FYN: variants seen among roughly 807,000 people sequenced by gnomAD.
The protein encoded by FYN is FYN proto-oncogene, Src family tyrosine kinase, also known as tyrosine-protein kinase Fyn.
In FYN, 10 loss-of-function variants were observed where a neutral mutation model predicts 70.2. The observed-to-expected ratio is 0.14, with a 90% CI of 0.09 to 0.24. The LOEUF (loss-of-function observed/expected upper bound fraction) is 0.24. FYN is among the 10% of genes least tolerant of loss of function. FYN has a pLI of 1.00. For synonymous variants in FYN, 236 were observed against 248.6 expected (o/e 0.95, Z 0.48); for missense variants, 319 against 673.1 (o/e 0.47, Z 5.82).
At chr6:111,839,945 C>T (rs961567382) in intron 2 of FYN, among the ~76,000 whole-genome samples, 1 of 152,156 alleles carries the variant, frequency 6.6e-6, no homozygotes, top group Non-Finnish European at 1.5e-5. Flanking sequence ...GGTATGATTT[C>T]CAAGGCCTCT....
At chr6:111,673,660 C>A (rs1798410504) in intron 13 of FYN, among the ~76,000 whole-genome samples, 2 of 108,608 alleles carry the variant, frequency 1.8e-5, no homozygotes, top group South Asian at 3.1e-4. Flanking sequence ...TCCTTTCTTA[C>A]GCAGGGAATG....
chr6:111,853,187 G>A (rs1172250306), intron 1 of FYN, among the ~76,000 whole-genome samples: 1 of 152,168 alleles, frequency 6.6e-6, no homozygotes, highest in Non-Finnish European at 1.5e-5. Flanking sequence ...GGGGCTGGAA[G>A]ACCACGGAAT....
intron 2 of FYN, among the ~76,000 whole-genome samples, chr6:111,839,025 TA>T (rs1318834886): frequency 6.6e-6 from 1 of 152,218 alleles, no homozygotes; most frequent in Non-Finnish European, 1.5e-5. Context: ...GTTGACTCTA[TA>T]ACTCATTCTT....
intron 1 of FYN, among the ~76,000 whole-genome samples, chr6:111,863,024 T>C (rs1246955352): frequency 1.1e-4 from 17 of 152,228 alleles, no homozygotes; most frequent in Admixed American, 1.1e-3. Flanking sequence ...AGAACGTAGA[T>C]ACTACAGAAG....
At chr6:111,742,332 A>C (rs1802010712) in intron 3 of FYN, among the ~76,000 whole-genome samples, 1 of 152,196 alleles carries the variant, frequency 6.6e-6, no homozygotes, top group South Asian at 2.1e-4. Flanking sequence ...TCAGAGTGGC[A>C]AATCAACATC....
At chr6:111,673,622 G>GTTTTTTTTTTGTTTTTTTTTTT (rs1798399874) in intron 13 of FYN, among the ~76,000 whole-genome samples, 1 of 116,558 alleles carries the variant, frequency 8.6e-6, no homozygotes, top group African/African-American at 3.2e-5. Flanking sequence ...TTCTATCATT[G>GTTTTTTTTTTGTTTTTTTTTTT]TTTTTTTTTT....
intron 2 of FYN, among the ~76,000 whole-genome samples, chr6:111,821,975 A>G (rs931072344): frequency 1.1e-4 from 16 of 152,142 alleles, no homozygotes; most frequent in African/African-American, 3.9e-4. Flanking sequence ...AAAAATCAGG[A>G]AAGAACAGGT....
At chr6:111,861,373 A>G (rs1773957455) in intron 1 of FYN, among the ~76,000 whole-genome samples, 1 of 152,248 alleles carries the variant, frequency 6.6e-6, no homozygotes, top group Admixed American at 6.5e-5. Context: ...AGCAAAGGGG[A>G]TAGTACATTT....
intron 3 of FYN, among the ~76,000 whole-genome samples, chr6:111,777,457 G>A (rs1268105568): frequency 6.6e-6 from 1 of 151,564 alleles, no homozygotes; most frequent in African/African-American, 2.4e-5. Context: ...CTGAGATTTC[G>A]GGCCCGATTA....
intron 2 of FYN, among the ~76,000 whole-genome samples, chr6:111,817,996 G>C (rs77637303): frequency 6.6e-6 from 1 of 152,318 alleles, no homozygotes; most frequent in East Asian, 1.9e-4. Context: ...GTGCCCTGAA[G>C]AATCAGCCAA....
chr6:111,756,453 A>C (rs1802741326), intron 3 of FYN, among the ~76,000 whole-genome samples: 1 of 152,088 alleles, frequency 6.6e-6, no homozygotes, highest in African/African-American at 2.4e-5. Flanking sequence ...AAACCAAAAA[A>C]AAATGCAGGA....
intron 9 of FYN, among the ~76,000 whole-genome samples, chr6:111,697,588 A>C (rs1012749847): frequency 1.3e-5 from 2 of 152,208 alleles, no homozygotes; most frequent in African/African-American, 2.4e-5. Flanking sequence ...AGTTCATTTA[A>C]ACTTCATAAA....
At chr6:111,844,026 G>T (rs943730144) in intron 2 of FYN, among the ~76,000 whole-genome samples, 2 of 152,186 alleles carry the variant, frequency 1.3e-5, no homozygotes, top group African/African-American at 4.8e-5. Flanking sequence ...GGTGGGGTAT[G>T]GGAAGGGGAA....
At chr6:111,671,067 T>C (rs940624087) in intron 13 of FYN, among the ~76,000 whole-genome samples, 3 of 152,206 alleles carry the variant, frequency 2.0e-5, no homozygotes, top group African/African-American at 7.2e-5. Flanking sequence ...ATGGAGCTCT[T>C]CTTTGGAACT....
intron 3 of FYN, among the ~76,000 whole-genome samples, chr6:111,758,202 A>C (rs1802829855): frequency 6.6e-6 from 1 of 152,228 alleles, no homozygotes; most frequent in Admixed American, 6.5e-5. Context: ...TAGCACTAAA[A>C]TCATATTGCA....
intron 6 of FYN, among the ~76,000 whole-genome samples, chr6:111,704,837 T>A (rs1422256445): frequency 6.6e-6 from 1 of 151,540 alleles, no homozygotes; most frequent in African/African-American, 2.4e-5. Context: ...CCAAGGTGGG[T>A]GGATCATGAA....
Position 111,734,458 on chromosome 6 carries a change from T to C in FYN, c.-11-14396A>G, listed in dbSNP as rs539487285. 2.6e-5 allele frequency among the ~76,000 whole-genome samples: 4 copies of C among 152,330 alleles called. No individual in the cohort carries two copies. In the South Asian group the frequency reaches 8.3e-4, roughly 32 times the overall value. Reference sequence around the variant, plus strand: ...TTTAAAGTACTCTTTCTTACTACAGTTTTCAGAAGACCTATGTCCTCCACT... The same window carrying C: ...TTTAAAGTACTCTTTCTTACTACAGCTTTCAGAAGACCTATGTCCTCCACT... On this transcript the variant is annotated intron_variant, in intron 3 of 13. Transcript: ENST00000354650.
At chr6:111,790,919 A>G (rs1771595590) in intron 2 of FYN, among the ~76,000 whole-genome samples, 1 of 152,214 alleles carries the variant, frequency 6.6e-6, no homozygotes, top group African/African-American at 2.4e-5. Context: ...CAGAAGACCT[A>G]TATAGAGGGT....
chr6:111,746,786 G>A (rs374769389), intron 3 of FYN, among the ~76,000 whole-genome samples: 125 of 152,020 alleles, frequency 8.2e-4, no homozygotes, highest in African/African-American at 2.8e-3. Context: ...GGGCTAAAAC[G>A]TCAGGTAAAT....
Sources: gnomAD v4.1 joint callset for allele counts (sites outside exome capture counted in the v4.1 genomes callset) on GRCh38, gnomAD v4.1.1 for gene constraint, MANE v1.5 for transcripts, NCBI Gene and HGNC (gene_info 2026-07-23, HGNC 2026-07-21) for gene names.